DNAI1: variants seen among roughly 807,000 people sequenced by gnomAD.
DNAI1 encodes the protein dynein axonemal intermediate chain 1, also known as dynein, axonemal, intermediate polypeptide 1.
DNAI1 carries 67 observed loss-of-function variants against 92.0 expected under a neutral mutation model. The ratio of observed to expected loss-of-function variants is 0.73; its 90% CI spans 0.60 to 0.89. The LOEUF (loss-of-function observed/expected upper bound fraction) is 0.89. DNAI1 is among the 40% of genes least tolerant of loss of function. DNAI1 has a pLI of 0.00. For missense variants in DNAI1, 839 were observed against 866.6 expected, an observed-to-expected ratio of 0.97 and a Z score of 0.40; for synonymous variants, 323 against 319.6, an observed-to-expected ratio of 1.01 and a Z score of -0.11.
chr9:34,464,307 G>A (rs1282942640), intron 1 of DNAI1, among the ~76,000 whole-genome samples: 1 of 152,126 alleles, frequency 6.6e-6, no homozygotes, highest in African/African-American at 2.4e-5. Flanking sequence ...TCTTAGGATA[G>A]GGACCAGATT....
chr9:34,490,578 A>C, intron 7 of DNAI1, 90 bp downstream of exon 7: 1 of 1,568,514 alleles, frequency 6.4e-7, no homozygotes. Flanking sequence ...AGCAGACCTC[A>C]GCCTGGCAGG....
Position 34,509,086 on chromosome 9 carries a change from G to C in DNAI1, c.1311+2212G>C, listed in dbSNP as rs192032706. Among the ~76,000 whole-genome samples the C allele has an allele frequency of 3.5e-3, 529 of 152,254 alleles. 3 individuals are homozygous for C. Among genetic ancestry groups the C allele is most frequent in the Non-Finnish European group, 6.3e-3 (429 of 68,024 alleles). ...AGTTCCTACTGGGGAGATAACCACA[G>C]CCACAGACTGACCAGGGCAGGGCAG... On this transcript the variant is annotated intron_variant, in intron 13 of 19. Transcript: ENST00000242317.
rs571238105 is a variant in DNAI1, at chr9:34,514,452, T to C, written c.1628T>C (p.Val543Ala). The C allele has an allele frequency of 6.2e-7, 1 of 1,614,258 alleles. No individual in the cohort carries two copies. Among genetic ancestry groups the C allele is most frequent in the South Asian group, 1.1e-5 (1 of 91,084 alleles). Residue 543 changes from valine to alanine, a missense_variant, in exon 17 of 20, where the codon GTG becomes GCG. Coordinates refer to ENST00000242317, the MANE Select transcript of DNAI1 (RefSeq NM_012144.4). Reference protein sequence around the residue: ...LDTYDAHNMSVDTVSWNPYHT... With the variant: ...LDTYDAHNMSADTVSWNPYHT... ...ACCTATGACGCCCACAACATGTCAG[T>C]GGACACTGTGTCCTGGAACCCATAC...
chr9:34,490,386 TGAA>T lies in DNAI1; in HGVS notation c.526_528del (p.Glu176del), dbSNP rs878854967. On this transcript the variant is annotated inframe_deletion, in exon 7 of 20. Coordinates refer to ENST00000242317, the MANE Select transcript of DNAI1 (RefSeq NM_012144.4). ...ATTTTCAGGCAGCTGAAAAAGTGAC[TGAA>T]GAAGAATTGATGACTCCTAAGCAGC... The T allele has an allele frequency of 2.6e-4, 423 of 1,614,152 alleles. 1 individual carries two copies. In the South Asian group the frequency reaches 3.8e-3, roughly 14 times the overall value.
At position 34,485,451 on chromosome 9, in the gene DNAI1, G is replaced by A. The variant is rs773731636; in HGVS notation, c.195G>A (p.Glu65=). 1.2e-6 allele frequency: 2 copies of A among 1,614,132 alleles called. No individual in the cohort carries two copies. Among genetic ancestry groups the A allele is most frequent in the South Asian group, 2.2e-5 (2 of 91,076 alleles). The change falls in exon 4 of 20, where the codon GAG becomes GAA. Residue 65 remains glutamate, a synonymous_variant. Transcript: ENST00000242317. ...TTCTCCCTCAGGAGTTAAAGGAGGA[G>A]TTCACTCGGATTTTGACAGCCAACA... is the stretch of plus-strand genomic sequence containing the variant. ...LELTDAELKE[E]FTRILTANNP...
chr9:34,503,056 G>A (rs1442787485), intron 12 of DNAI1, among the ~76,000 whole-genome samples: 1 of 152,176 alleles, frequency 6.6e-6, no homozygotes, highest in Non-Finnish European at 1.5e-5. Flanking sequence ...AGAGAAGGGG[G>A]GTGTGGAGAC....
chr9:34,490,529 T>C, intron 7 of DNAI1, 41 bp downstream of exon 7: 1 of 1,613,204 alleles, frequency 6.2e-7, no homozygotes, highest in African/African-American at 1.3e-5. Flanking sequence ...AGCTCTTCAC[T>C]GTGCCTGGCA....
At chr9:34,491,318 A>T in intron 7 of DNAI1, 177 bp from the exon 8 acceptor site, 1 of 699,184 alleles carries the variant, frequency 1.4e-6, no homozygotes, top group Admixed American at 2.1e-5. Flanking sequence ...AATGGACACA[A>T]TATGGGCTTT....
chr9:34,459,378 C>T (rs533723530), intron 1 of DNAI1, among the ~76,000 whole-genome samples: 2 of 152,292 alleles, frequency 1.3e-5, no homozygotes, highest in South Asian at 4.1e-4. Context: ...CCCATTCCCA[C>T]GAGTCCCTTC....
At chr9:34,460,202 C>T (rs1288049576) in intron 1 of DNAI1, among the ~76,000 whole-genome samples, 2 of 152,216 alleles carry the variant, frequency 1.3e-5, no homozygotes, top group Non-Finnish European at 2.9e-5. Context: ...AGCATCACCA[C>T]GGAAGGCAAG....
At chr9:34,463,791 G>T (rs1390562945) in intron 1 of DNAI1, among the ~76,000 whole-genome samples, 1 of 152,152 alleles carries the variant, frequency 6.6e-6, no homozygotes, top group African/African-American at 2.4e-5. Context: ...AATACTTTTA[G>T]AAATATTGAT....
chr9:34,473,378 C>T (rs530413670), intron 1 of DNAI1, among the ~76,000 whole-genome samples: 7 of 151,748 alleles, frequency 4.6e-5, no homozygotes, highest in Admixed American at 2.6e-4. Flanking sequence ...CTGCAACCTC[C>T]GCCTCCTAGG....
In DNAI1 at chr9:34,485,220, C is replaced by G; in HGVS notation, c.160C>G (p.Gln54Glu). The change falls in exon 3 of 20, where the codon CAG becomes GAG. Residue 54 changes from glutamine to glutamate, a missense_variant. Gln to Glu is a conservative substitution (Grantham distance 29). Transcript: ENST00000242317. ...CAAAGCCACAGTTAGACCCCCTGAC[C>G]AGCTGGAGTTGACCGATGCGGTGAG... is the stretch of plus-strand genomic sequence containing the variant. ...QSKATVRPPD[Q>E]LELTDAELKE... 1.2e-6 allele frequency: 2 copies of G among 1,614,172 alleles called. No homozygotes were observed. The highest frequency in any genetic ancestry group is 1.7e-6 in the Non-Finnish European group (2 of 1,180,040).
At chr9:34,482,020 G>T (rs937581327) in intron 1 of DNAI1, among the ~76,000 whole-genome samples, 7 of 152,292 alleles carry the variant, frequency 4.6e-5, no homozygotes, top group African/African-American at 1.7e-4. Flanking sequence ...GCTGATTGGT[G>T]CGGTTACAAT....
intron 19 of DNAI1, among the ~76,000 whole-genome samples, chr9:34,518,553 G>T (rs1825212810): frequency 6.6e-6 from 1 of 152,270 alleles, no homozygotes; most frequent in Non-Finnish European, 1.5e-5. Context: ...AGGGAGTCGG[G>T]CGTGGTCTGA....
chr9:34,515,103 A>G (rs12002889), intron 18 of DNAI1, among the ~76,000 whole-genome samples: 43,218 of 152,116 alleles, frequency 0.28, 6,480 homozygotes, highest in African/African-American at 0.36. Context: ...AATAGTGTCT[A>G]TAATGTAGTG....
At chr9:34,485,594 C>A in intron 4 of DNAI1, 77 bp downstream of exon 4, 1 of 1,388,252 alleles carries the variant, frequency 7.2e-7, no homozygotes, top group Non-Finnish European at 1.0e-6. Context: ...ATTGCAAAAG[C>A]CTCTCAGTAA....
At chr9:34,510,072 C>T (rs544766885) in intron 13 of DNAI1, among the ~76,000 whole-genome samples, 2 of 152,244 alleles carry the variant, frequency 1.3e-5, no homozygotes, top group African/African-American at 2.4e-5. Flanking sequence ...AGTCTAAGTC[C>T]CTCTTAACAG....
intron 9 of DNAI1, among the ~76,000 whole-genome samples, chr9:34,495,010 C>A (rs1382215877): frequency 6.6e-6 from 1 of 152,198 alleles, no homozygotes; most frequent in East Asian, 1.9e-4. Context: ...GGGTAGAAAA[C>A]TCAAATGTGC....
Sources: gnomAD v4.1 joint callset for allele counts (sites outside exome capture counted in the v4.1 genomes callset) on GRCh38, gnomAD v4.1.1 for gene constraint, MANE v1.5 for transcripts, NCBI Gene and HGNC (gene_info 2026-07-23, HGNC 2026-07-21) for gene names.